SANBR: variants seen among roughly 807,000 people sequenced by gnomAD.
The protein encoded by SANBR is SANT and BTB domain regulator of CSR.
In SANBR, 77 loss-of-function variants were observed where a neutral mutation model predicts 101.8. The ratio of observed to expected loss-of-function variants is 0.76; its 90% CI spans 0.63 to 0.91. SANBR has a LOEUF of 0.91. SANBR is among the 40% of genes least tolerant of loss of function. The pLI, the probability that SANBR is intolerant of heterozygous loss-of-function variation, is 0.00. For missense variants in SANBR, 875 were observed against 853.0 expected (o/e 1.03, Z -0.32); for synonymous variants, 279 against 274.7 (o/e 1.02, Z -0.15).
chr2:61,123,509 G>A lies in SANBR; in HGVS notation c.*1347G>A. 1.0e-6 allele frequency: 1 copy of A among 971,682 alleles called. No individual in the cohort carries two copies. The highest frequency in any genetic ancestry group is 1.2e-6 in the Non-Finnish European group (1 of 817,396). 60.2% of individuals were successfully genotyped at this position (971,682 alleles called of 1,614,324 possible). ...ATATTTGTTTCAATTGTTTGATACT[G>A]TGGAAATAGACTTTTATTTTCGAAA... On this transcript the variant is annotated 3_prime_UTR_variant, in exon 22 of 22. Coordinates refer to ENST00000402291, the MANE Select transcript of SANBR (RefSeq NM_001129993.3).
intron 12 of SANBR, among the ~76,000 whole-genome samples, chr2:61,098,164 T>C (rs1177300): frequency 0.64 from 95,661 of 149,162 alleles, 32,643 homozygotes; most frequent in African/African-American, 0.89. Flanking sequence ...AGTGCAGTGG[T>C]GCCATCTCGG....
chr2:61,115,761 G>GA, intron 16 of SANBR: 2 of 337,790 alleles, frequency 5.9e-6, no homozygotes, highest in South Asian at 4.5e-5. Context: ...CAAAAAAAAA[G>GA]AAAAAGAAAA....
chr2:61,090,909 CTTT>C (rs747161495), intron 10 of SANBR, among the ~76,000 whole-genome samples: 3,629 of 139,190 alleles, frequency 0.026, 47 homozygotes, highest in African/African-American at 0.041. Flanking sequence ...TTTAAAATTC[CTTT>C]TTTTTTTTTT....
chr2:61,067,814 G>T (rs1047994998), intron 1 of SANBR, among the ~76,000 whole-genome samples: 5 of 152,228 alleles, frequency 3.3e-5, no homozygotes, highest in Non-Finnish European at 7.3e-5. Flanking sequence ...AGTGATGCAA[G>T]TACTAGGCAA....
At chr2:61,081,649 A>T in intron 7 of SANBR, 139 bp downstream of exon 7, 1 of 1,004,324 alleles carries the variant, frequency 1.0e-6, no homozygotes. Flanking sequence ...TAATTCAGGA[A>T]TATAATTTCT....
chr2:61,101,298 T>C lies in SANBR; in HGVS notation c.1366-2555T>C, dbSNP rs369565261. Among the ~76,000 whole-genome samples the C allele has an allele frequency of 1.4e-4, 22 of 152,354 alleles. No individual in the cohort carries two copies. In the East Asian group the frequency reaches 3.1e-3, roughly 21 times the overall value. On this transcript the variant is annotated intron_variant, in intron 12 of 21. Coordinates refer to ENST00000402291, the MANE Select transcript of SANBR (RefSeq NM_001129993.3). The stretch of plus-strand genomic sequence containing the variant: ...ATTTTTTAGTCTTTACAGTTCTTTC[T>C]AACCACATTAATTTCTAACCACATT...
At position 61,081,167 on chromosome 2, in the gene SANBR, TC is replaced by T. The variant is rs566381449; in HGVS notation, c.671-282del. Among the ~76,000 whole-genome samples the T allele has an allele frequency of 1.4e-4, 21 of 152,240 alleles. No individual in the cohort carries two copies. The South Asian group carries it at 4.4e-3, about 32-fold the overall frequency. ...TGAATTATAGTCTCAATTATCTTTTTCCCTGATTTAGTCAAGGAGAAGATTA... is the reference window on the plus strand; with the variant it reads ...TGAATTATAGTCTCAATTATCTTTTTCCTGATTTAGTCAAGGAGAAGATTA... On this transcript the variant is annotated intron_variant, in intron 6 of 21. Coordinates refer to ENST00000402291, the MANE Select transcript of SANBR (RefSeq NM_001129993.3).
intron 16 of SANBR, among the ~76,000 whole-genome samples, chr2:61,113,708 A>G (rs1683943427): frequency 6.6e-6 from 1 of 152,160 alleles, no homozygotes; most frequent in Admixed American, 6.5e-5. Flanking sequence ...CTCTTCATTT[A>G]TTAGATTTCA....
At chr2:61,116,490 AAT>A (rs746793881) in intron 17 of SANBR, among the ~76,000 whole-genome samples, 2 of 152,176 alleles carry the variant, frequency 1.3e-5, no homozygotes, top group African/African-American at 4.8e-5. Flanking sequence ...AAAAATTAAA[AAT>A]AGTCTTTTAA....
At chr2:61,100,323 T>G (rs1683223520) in intron 12 of SANBR, among the ~76,000 whole-genome samples, 1 of 152,178 alleles carries the variant, frequency 6.6e-6, no homozygotes, top group Non-Finnish European at 1.5e-5. Context: ...CAGGCTGGTC[T>G]CGAACTCCTG....
At chr2:61,085,393 A>G (rs1191036061) in intron 8 of SANBR, among the ~76,000 whole-genome samples, 1 of 152,010 alleles carries the variant, frequency 6.6e-6, no homozygotes, top group Non-Finnish European at 1.5e-5. Context: ...TGAAAAGACC[A>G]TCCTTTCCCC....
chr2:61,079,059 A>G (rs1025116277), intron 6 of SANBR, among the ~76,000 whole-genome samples: 3 of 152,144 alleles, frequency 2.0e-5, no homozygotes, highest in East Asian at 1.9e-4. Context: ...AAAAGAAAAC[A>G]TAGTTATTTT....
chr2:61,131,976 A>G (rs1684702564), intron 20 of SANBR, among the ~76,000 whole-genome samples: 1 of 152,226 alleles, frequency 6.6e-6, no homozygotes, highest in East Asian at 1.9e-4. Flanking sequence ...CTAATGCAAA[A>G]TAATCAAGTT....
intron 21 of SANBR, among the ~76,000 whole-genome samples, chr2:61,135,062 C>T (rs1488431124): frequency 3.3e-5 from 5 of 151,956 alleles, no homozygotes; most frequent in African/African-American, 1.2e-4. Flanking sequence ...TGGTGGCACG[C>T]GCCTGTAATC....
rs979988339 is a variant in SANBR at position 61,123,662 on chromosome 2, G to A, written c.*1500G>A. 18 of 985,150 alleles carry A rather than the reference G, an allele frequency of 1.8e-5. No homozygotes were observed. The highest frequency in any genetic ancestry group is 5.2e-4 in the Middle Eastern group (1 of 1,936). 61.0% of individuals were successfully genotyped at this position (985,150 alleles called of 1,614,324 possible). Reference sequence around the variant, plus strand: ...ATGTAAACAGTGCTGTAATGGTCACGACTAGATAAGGAAAAAATATATATG... The same window carrying A: ...ATGTAAACAGTGCTGTAATGGTCACAACTAGATAAGGAAAAAATATATATG... On this transcript the variant is annotated 3_prime_UTR_variant, in exon 22 of 22. Coordinates refer to ENST00000402291, the MANE Select transcript of SANBR (RefSeq NM_001129993.3).
At chr2:61,117,615 G>A (rs1684138120) in intron 19 of SANBR, 75 bp downstream of exon 19, 11 of 1,299,298 alleles carry the variant, frequency 8.5e-6, no homozygotes, top group Non-Finnish European at 1.2e-5. Context: ...ATTTTATACA[G>A]TATGCTGAAT....
At chr2:61,070,557 T>G in intron 3 of SANBR, 57 bp downstream of exon 3, 1 of 1,495,178 alleles carries the variant, frequency 6.7e-7, no homozygotes, top group African/African-American at 1.4e-5. Flanking sequence ...GGTCATCAAT[T>G]TAAAGAAACA....
chr2:61,071,262 C>G (rs976504114), intron 3 of SANBR, among the ~76,000 whole-genome samples: 1 of 152,070 alleles, frequency 6.6e-6, no homozygotes, highest in Non-Finnish European at 1.5e-5. Flanking sequence ...TTAAAAAATT[C>G]CCAAACCGCT....
At chr2:61,103,530 G>A (rs1292507997) in intron 12 of SANBR, among the ~76,000 whole-genome samples, 2 of 152,186 alleles carry the variant, frequency 1.3e-5, no homozygotes, top group African/African-American at 4.8e-5. Context: ...AAGCAAGGAA[G>A]TAATTACCAC....
Sources: gnomAD v4.1 joint callset for allele counts (sites outside exome capture counted in the v4.1 genomes callset) on GRCh38, gnomAD v4.1.1 for gene constraint, MANE v1.5 for transcripts, NCBI Gene and HGNC (gene_info 2026-07-23, HGNC 2026-07-21) for gene names.